The following EXOC6 variants were observed in gnomAD, a reference collection of about 807,000 sequenced individuals.
The protein encoded by EXOC6 is SEC15-like 1.
EXOC6 carries 60 observed loss-of-function variants against 112.5 expected under a neutral mutation model. That is an observed-to-expected ratio of 0.53 (90% CI 0.43 to 0.66). The LOEUF is 0.66. Ranked by LOEUF, EXOC6 falls within the 30% of genes least tolerant of loss-of-function variation. EXOC6 has a pLI of 0.00. For synonymous variants in EXOC6, 295 were observed against 308.0 expected, an observed-to-expected ratio of 0.96 and a Z score of 0.44; for missense variants, 855 against 957.1, an observed-to-expected ratio of 0.89 and a Z score of 1.41.
chr10:93,057,917 G>C (rs1218263950), intron 21 of EXOC6, among the ~76,000 whole-genome samples: 1 of 151,714 alleles, frequency 6.6e-6, no homozygotes, highest in African/African-American at 2.4e-5. Flanking sequence ...GTCTATACAG[G>C]GTATGTATTT....
In EXOC6 at chr10:92,997,532, T is replaced by C; in HGVS notation, c.2012T>C (p.Met671Thr). Reference protein sequence around the residue: ...SACQHLSTSLMQMLLDSELKQ... With the variant: ...SACQHLSTSLTQMLLDSELKQ... Reference sequence around the variant, plus strand: ...TGCCAGCATCTGTCAACATCCTTAATGCAGATGCTACTGGACAGTGAGTTA... The same window carrying C: ...TGCCAGCATCTGTCAACATCCTTAACGCAGATGCTACTGGACAGTGAGTTA... The change falls in exon 19 of 22, where the codon ATG (methionine) becomes ACG (threonine). Residue 671 changes from methionine (M) to threonine (T), a missense_variant. Around this residue, in one of 2 missense-constraint regions of EXOC6, gnomAD observed 450 missense variants for 563.5 expected, o/e 0.80. Coordinates refer to ENST00000260762, the MANE Select transcript of EXOC6 (RefSeq NM_019053.6). The C allele has an allele frequency of 6.2e-7, 1 of 1,613,558 alleles. No homozygotes were observed. The highest frequency in any genetic ancestry group is 8.5e-7 in the Non-Finnish European group (1 of 1,179,598).
rs760476780 is a variant in EXOC6 at position 92,928,427 on chromosome 10, G to T, written c.972+5G>T. 1.3e-6 allele frequency: 2 copies of T among 1,578,574 alleles called. No homozygotes were observed. The highest frequency in any genetic ancestry group is 2.2e-5 in the South Asian group (2 of 88,898). ...TTGCAACCCCAGTCGAATATGGTAAGTATGCGATATTTTGAATTGGTTATG... is the reference window on the plus strand; with the variant it reads ...TTGCAACCCCAGTCGAATATGGTAATTATGCGATATTTTGAATTGGTTATG... On this transcript the variant is annotated splice_donor_5th_base_variant and intron_variant, in intron 9 of 21. Transcript: ENST00000260762.
chr10:92,997,805 G>A (rs1046930830), intron 19 of EXOC6, among the ~76,000 whole-genome samples, 190 bp downstream of exon 19: 1 of 151,970 alleles, frequency 6.6e-6, no homozygotes, highest in Admixed American at 6.6e-5. Flanking sequence ...TCACATTTAG[G>A]GCCTCTAGAG....
chr10:92,837,097 AACAC>A lies in EXOC6; in HGVS notation c.86+2309_86+2312del, dbSNP rs58871930. On this transcript the variant is annotated intron_variant, in intron 1 of 21. Transcript: ENST00000371552. ...CTTTAGCCTGAAATGGTTATAACATAACACACACACACACACACACACACACACA... is the reference window on the plus strand; with the variant it reads ...CTTTAGCCTGAAATGGTTATAACATAACACACACACACACACACACACACA... Among the ~76,000 whole-genome samples the A allele has an allele frequency of 2.0e-3, 275 of 139,846 alleles. 1 individual carries two copies. The highest frequency in any genetic ancestry group is 5.8e-3 in the African/African-American group (218 of 37,408). 91.7% of individuals were successfully genotyped at this position (139,846 alleles called of 152,430 possible). A position where few individuals can be genotyped will look rare whatever the true frequency, so the allele number is the denominator to read the frequency against.
At chr10:92,837,129 C>CAT (rs1846685037) in intron 1 of EXOC6, among the ~76,000 whole-genome samples, 1 of 151,644 alleles carries the variant, frequency 6.6e-6, no homozygotes. Flanking sequence ...CACACACACA[C>CAT]ACACACAAGC....
intron 20 of EXOC6, among the ~76,000 whole-genome samples, chr10:93,054,688 G>T (rs193081276): frequency 6.6e-6 from 1 of 152,184 alleles, no homozygotes; most frequent in East Asian, 1.9e-4. Flanking sequence ...CATTCATTAA[G>T]TCGGCTCCTC....
At chr10:92,888,048 C>T (rs1311826883) in intron 1 of EXOC6, among the ~76,000 whole-genome samples, 1 of 152,064 alleles carries the variant, frequency 6.6e-6, no homozygotes, top group Non-Finnish European at 1.5e-5. Flanking sequence ...TTGGGACAGC[C>T]TGAGACTTTG....
At chr10:93,009,385 CTTCA>C (rs796849092) in intron 19 of EXOC6, among the ~76,000 whole-genome samples, 7 of 152,166 alleles carry the variant, frequency 4.6e-5, no homozygotes, top group African/African-American at 1.7e-4. Flanking sequence ...TTCTGTTTTT[CTTCA>C]TTCATTTAAG....
chr10:93,042,945 TA>T (rs1845848805), intron 20 of EXOC6, among the ~76,000 whole-genome samples: 2 of 144,374 alleles, frequency 1.4e-5, no homozygotes, highest in Non-Finnish European at 1.5e-5. Context: ...TTATTATTAT[TA>T]TTATTATTAT....
intron 5 of EXOC6, chr10:92,899,926 A>AGT (rs1453995504): frequency 1.3e-5 from 4 of 305,064 alleles, no homozygotes; most frequent in Non-Finnish European, 2.4e-5. Flanking sequence ...CCAACATACT[A>AGT]ATATTGCATG....
intron 7 of EXOC6, among the ~76,000 whole-genome samples, chr10:92,917,537 T>C (rs1004294217): frequency 1.7e-4 from 26 of 151,398 alleles, no homozygotes; most frequent in Admixed American, 1.3e-3. Flanking sequence ...TTCTTTCTTT[T>C]TTTTTTTTTA....
At chr10:93,026,487 G>A (rs997316396) in intron 20 of EXOC6, among the ~76,000 whole-genome samples, 3 of 152,100 alleles carry the variant, frequency 2.0e-5, no homozygotes, top group Admixed American at 6.6e-5. Context: ...GCTTTACTGT[G>A]CTTTGCTTTG....
upstream of EXOC6, among the ~76,000 whole-genome samples, chr10:92,832,493 G>A (rs1446868804): frequency 6.6e-6 from 1 of 152,092 alleles, no homozygotes; most frequent in Non-Finnish European, 1.5e-5. Context: ...GGCCAGGCCT[G>A]TCATGAACTT....
At chr10:93,038,252 C>T (rs1049343352) in intron 20 of EXOC6, among the ~76,000 whole-genome samples, 20 of 151,992 alleles carry the variant, frequency 1.3e-4, no homozygotes, top group Admixed American at 3.9e-4. Flanking sequence ...CAGTTATGAT[C>T]TTTTTGCTAC....
chr10:92,864,829 C>T (rs1848099961), intron 1 of EXOC6, among the ~76,000 whole-genome samples: 1 of 152,114 alleles, frequency 6.6e-6, no homozygotes, highest in African/African-American at 2.4e-5. Flanking sequence ...TGAATTATAC[C>T]ACTGGCTTTC....
At chr10:92,920,129 G>C in intron 8 of EXOC6, 79 bp downstream of exon 8, 1 of 814,694 alleles carries the variant, frequency 1.2e-6, no homozygotes, top group South Asian at 2.0e-5. Context: ...CCTAAAAATT[G>C]ATCATATGCT....
At chr10:92,851,597 C>T (rs573723776) in intron 1 of EXOC6, among the ~76,000 whole-genome samples, 17 of 152,012 alleles carry the variant, frequency 1.1e-4, no homozygotes, top group Admixed American at 7.2e-4. Flanking sequence ...TTGCAGTGAG[C>T]CGAGATTATG....
rs113128278 is a variant in EXOC6 at position 92,841,596 on chromosome 10, C to T, written c.86+6772C>T. Among the ~76,000 whole-genome samples, 1,324 of 152,204 alleles carry T rather than the reference C, an allele frequency of 8.7e-3. 11 individuals carry two copies. Among genetic ancestry groups the T allele is most frequent in the Non-Finnish European group, 0.012 (834 of 68,024 alleles). On this transcript the variant is annotated intron_variant, in intron 1 of 21. Coordinates refer to the EXOC6 transcript ENST00000371552. ...AAAGCCTGGAATGTCTTATGAGACT[C>T]GGCTATACAGTTACCCAATTTTTGC... is the stretch of plus-strand genomic sequence containing the variant.
intron 4 of EXOC6, among the ~76,000 whole-genome samples, chr10:92,896,298 A>T (rs184559650): frequency 6.1e-4 from 83 of 136,308 alleles, no homozygotes; most frequent in Non-Finnish European, 7.7e-5. Flanking sequence ...TCTGGGCTCA[A>T]GTCATTCTCC....
Sources: gnomAD v4.1 joint callset for allele counts (sites outside exome capture counted in the v4.1 genomes callset) on GRCh38, gnomAD v4.1.1 for gene constraint, gnomAD v4.1.1 regional missense constraint, MANE v1.5 for transcripts, NCBI Gene and HGNC (gene_info 2026-07-23, HGNC 2026-07-21) for gene names.